JAKMIP2: variants seen among roughly 807,000 people sequenced by gnomAD.
The protein encoded by JAKMIP2 is janus kinase and microtubule interacting protein 2, also known as janus kinase and microtubule-interacting protein 2.
JAKMIP2 carries 25 observed loss-of-function variants against 115.0 expected under a neutral mutation model. The observed-to-expected ratio is 0.22, with a 90% CI of 0.16 to 0.30. The LOEUF (loss-of-function observed/expected upper bound fraction) is 0.30. Ranked by LOEUF, JAKMIP2 falls within the 10% of genes least tolerant of loss-of-function variation. JAKMIP2 has a pLI of 1.00. For synonymous variants in JAKMIP2, 334 were observed against 343.6 expected (o/e 0.97, Z 0.31); for missense variants, 642 against 957.6 (o/e 0.67, Z 4.35).
chr5:147,782,664 G>GGCAGCA lies in JAKMIP2; in HGVS notation c.-363_-358dup, dbSNP rs3840518. The stretch of plus-strand genomic sequence containing the variant: ...TATCAGCAATAGAGGCGGCGGCGGC[G>GGCAGCA]GCAGCAGCAGCAGCAGCAGCATCAC... On this transcript the variant is annotated 5_prime_UTR_variant, in exon 1 of 22. Transcript: ENST00000616793. 69,611 of 636,344 alleles carry GGCAGCA rather than the reference G, an allele frequency of 0.11. 5,530 individuals are homozygous for GGCAGCA. The highest frequency in any genetic ancestry group is 0.38 in the East Asian group (12,690 of 33,660). 39.4% of individuals were successfully genotyped at this position (636,344 alleles called of 1,614,324 possible). A position where few individuals can be genotyped will look rare whatever the true frequency, so the allele number is the denominator to read the frequency against.
At chr5:147,646,592 G>T (rs569014312) in intron 5 of JAKMIP2, among the ~76,000 whole-genome samples, 1 of 151,602 alleles carries the variant, frequency 6.6e-6, no homozygotes, top group African/African-American at 2.4e-5. Context: ...ACACAGAAAG[G>T]TTGGAAAAAA....
At chr5:147,722,534 A>G (rs1229547209) in intron 1 of JAKMIP2, among the ~76,000 whole-genome samples, 1 of 151,912 alleles carries the variant, frequency 6.6e-6, no homozygotes, top group African/African-American at 2.4e-5. Flanking sequence ...GCTATAATTT[A>G]TTTATATTTT....
intron 7 of JAKMIP2, among the ~76,000 whole-genome samples, chr5:147,642,632 G>A (rs1757933170): frequency 6.6e-6 from 1 of 151,094 alleles, no homozygotes; most frequent in African/African-American, 2.4e-5. Flanking sequence ...GGAGTAATGA[G>A]TAATCTTGTT....
intron 20 of JAKMIP2, among the ~76,000 whole-genome samples, chr5:147,610,007 G>A (rs1021853460): frequency 4.6e-5 from 7 of 152,130 alleles, no homozygotes; most frequent in African/African-American, 1.7e-4. Context: ...CGAAGTTCTT[G>A]TGCTGTGTTT....
At chr5:147,770,118 T>C (rs1373130222) in intron 1 of JAKMIP2, among the ~76,000 whole-genome samples, 1 of 152,182 alleles carries the variant, frequency 6.6e-6, no homozygotes, top group Non-Finnish European at 1.5e-5. Flanking sequence ...TTCTATCTTT[T>C]GATTTTTGAC....
chr5:147,668,945 C>A (rs1411161543), intron 2 of JAKMIP2, among the ~76,000 whole-genome samples: 1 of 152,142 alleles, frequency 6.6e-6, no homozygotes, highest in South Asian at 2.1e-4. Context: ...AAATTTGGCT[C>A]TATACACAAT....
intron 1 of JAKMIP2, among the ~76,000 whole-genome samples, chr5:147,693,545 C>T (rs183641212): frequency 8.6e-5 from 13 of 151,732 alleles, no homozygotes; most frequent in African/African-American, 1.2e-4. Flanking sequence ...TGTGGGATTA[C>T]GGGTGGCAAA....
intron 21 of JAKMIP2, among the ~76,000 whole-genome samples, chr5:147,597,587 C>A (rs757129714): frequency 1.3e-5 from 2 of 152,190 alleles, no homozygotes; most frequent in Non-Finnish European, 2.9e-5. Context: ...CTGGTGCTGT[C>A]ATGTTCTTCA....
At chr5:147,741,850 A>G (rs1006357090) in intron 1 of JAKMIP2, among the ~76,000 whole-genome samples, 1 of 152,068 alleles carries the variant, frequency 6.6e-6, no homozygotes, top group African/African-American at 2.4e-5. Flanking sequence ...CTGGAAAAAA[A>G]CAGAACTCAA....
chr5:147,706,673 C>T (rs572482769), intron 1 of JAKMIP2, among the ~76,000 whole-genome samples: 45 of 152,238 alleles, frequency 3.0e-4, no homozygotes, highest in Middle Eastern at 6.8e-3. Flanking sequence ...TGGAGTATTT[C>T]TAATTTGAAA....
intron 20 of JAKMIP2, 39 bp downstream of exon 20, chr5:147,612,267 T>G (rs760698173): frequency 1.8e-5 from 23 of 1,297,830 alleles, no homozygotes; most frequent in Non-Finnish European, 2.3e-5. Flanking sequence ...GCTTTCTGAT[T>G]AAACAAATAA....
intron 1 of JAKMIP2, among the ~76,000 whole-genome samples, chr5:147,696,038 C>T (rs1197707504): frequency 6.6e-6 from 1 of 152,076 alleles, no homozygotes; most frequent in Non-Finnish European, 1.5e-5. Flanking sequence ...TTCTACCAGC[C>T]TTAACTTTCC....
Position 147,661,185 on chromosome 5 carries a change from C to A in JAKMIP2, c.390G>T (p.Arg130Ser). Residue 130 changes from arginine (R) to serine (S), a missense_variant, in exon 3 of 22, where the codon AGG becomes AGT. Physicochemically the swap from Arg to Ser is moderately radical, Grantham distance 110. This residue lies in a region of JAKMIP2 where 439 missense variants were observed against 570.9 expected (regional missense o/e 0.77). Transcript: ENST00000616793. ...ALRDGSSDKV[R>S]TALTIEAREE... The stretch of plus-strand genomic sequence containing the variant: ...CCCGGGCCTCAATGGTGAGCGCTGT[C>A]CTTACTTTGTCACTGCTGCCGTCGC... The A allele has an allele frequency of 6.2e-7, 1 of 1,614,094 alleles. No individual in the cohort carries two copies. The highest frequency in any genetic ancestry group is 1.3e-5 in the African/African-American group (1 of 75,020).
At chr5:147,654,861 C>G (rs529123149) in intron 3 of JAKMIP2, among the ~76,000 whole-genome samples, 81 of 152,188 alleles carry the variant, frequency 5.3e-4, no homozygotes, top group African/African-American at 1.3e-3. Context: ...TCATAAATAA[C>G]TCTTATTATT....
intron 1 of JAKMIP2, among the ~76,000 whole-genome samples, chr5:147,695,901 T>C (rs944248815): frequency 6.6e-6 from 1 of 152,180 alleles, no homozygotes; most frequent in Non-Finnish European, 1.5e-5. Flanking sequence ...TCTATTATAT[T>C]ATACATTTTA....
intron 13 of JAKMIP2, among the ~76,000 whole-genome samples, chr5:147,632,400 A>G (rs573468342): frequency 6.6e-6 from 1 of 152,330 alleles, no homozygotes; most frequent in Non-Finnish European, 1.5e-5. Context: ...TTATTTAAAA[A>G]TTATTTATTA....
intron 2 of JAKMIP2, among the ~76,000 whole-genome samples, chr5:147,666,486 T>C (rs565977946): frequency 1.3e-5 from 2 of 152,324 alleles, no homozygotes; most frequent in South Asian, 4.1e-4. Flanking sequence ...GAGGGTTTAA[T>C]ATGAGTTAGG....
In JAKMIP2 at chr5:147,639,760, T is replaced by C. The variant is rs1337667305; in HGVS notation, c.1402A>G (p.Ser468Gly). The part of the protein sequence containing the change: ...PATPDDDLDE[S>G]LAAEESELRF... ...AGTTCAGATTCTTCAGCTGCTAAAC[T>C]CTTGAGGTTAAGAAAAAAAGCCCCA... Residue 468 changes from serine (S) to glycine (G), a missense_variant and splice_region_variant, in exon 10 of 22, where the codon AGT (serine) becomes GGT (glycine). Around this residue, in one of 6 missense-constraint regions of JAKMIP2, gnomAD observed 439 missense variants for 570.9 expected, o/e 0.77. Coordinates refer to ENST00000616793, the MANE Select transcript of JAKMIP2 (RefSeq NM_001270941.2). The C allele has an allele frequency of 1.9e-6, 3 of 1,605,872 alleles. No homozygotes were observed. The East Asian group carries it at 6.9e-5, about 37-fold the overall frequency.
intron 1 of JAKMIP2, among the ~76,000 whole-genome samples, chr5:147,700,176 T>C (rs1025637422): frequency 6.6e-6 from 1 of 151,948 alleles, no homozygotes; most frequent in African/African-American, 2.4e-5. Context: ...GAGATTCAAA[T>C]ATTGAAATTA....
Sources: allele counts gnomAD v4.1 joint callset (sites outside exome capture counted in the v4.1 genomes callset), GRCh38; gene constraint gnomAD v4.1.1; regional missense constraint gnomAD v4.1.1; transcripts MANE v1.5; gene names NCBI Gene and HGNC (gene_info 2026-07-23, HGNC 2026-07-21).